PLBD2: variants seen among roughly 807,000 people sequenced by gnomAD.
PLBD2 encodes the protein phospholipase B domain containing 2.
In PLBD2, 51 loss-of-function variants were observed where a neutral mutation model predicts 68.3. The ratio of observed to expected loss-of-function variants is 0.75; its 90% confidence interval spans 0.60 to 0.94. The LOEUF is 0.94. Ranked by LOEUF, PLBD2 falls within the 40% of genes least tolerant of loss-of-function variation. PLBD2 has a pLI of 0.00. For missense variants in PLBD2, 729 were observed against 792.2 expected (o/e 0.92, Z 0.96); for synonymous variants, 314 against 339.3 (o/e 0.93, Z 0.82).
rs1441755951 is a variant in PLBD2, at chr12:113,384,984, A to G, written c.1214+38A>G. 1 of 1,546,082 alleles carries G rather than the reference A, an allele frequency of 6.5e-7. No homozygotes were observed. The highest frequency in any genetic ancestry group is 1.4e-5 in the African/African-American group (1 of 73,378). On this transcript the variant is annotated intron_variant, in intron 8 of 11. Transcript: ENST00000280800. The surrounding 1 kb of genome is among the most constrained non-coding windows in gnomAD (Gnocchi z 4.2). ...GGAGGGAGGGGTGGGGGCTCGGGGC[A>G]GAGGGGACTGCCAGGGTGAAGGCCC...
chr12:113,369,315 C>T (rs992293448), intron 2 of PLBD2, 106 bp downstream of exon 2: 1 of 764,244 alleles, frequency 1.3e-6, no homozygotes, highest in African/African-American at 1.8e-5. Context: ...CCAACTCCTG[C>T]CACAGCCCTT....
rs575100483 is a variant in PLBD2, at chr12:113,374,752, C to T, written c.645-41C>T. On this transcript the variant is annotated intron_variant, in intron 4 of 11. Transcript: ENST00000280800. ...CAAAATGAGTACATAACAGCACTCA[C>T]AGCAGGCGTGGTAACCCTCTGATGC... 8 of 1,604,096 alleles carry T rather than the reference C, an allele frequency of 5.0e-6. No homozygotes were observed. In the African/African-American group the frequency reaches 6.7e-5, roughly 13 times the overall value.
chr12:113,380,562 A>G (rs1957478557), intron 5 of PLBD2, among the ~76,000 whole-genome samples, 183 bp from the exon 6 acceptor site: 2 of 152,134 alleles, frequency 1.3e-5, no homozygotes, highest in African/African-American at 4.8e-5. Flanking sequence ...TTTTATTTTT[A>G]CTTGCACGTA....
At chr12:113,385,905 C>G (rs1287871649) in intron 9 of PLBD2, among the ~76,000 whole-genome samples, 1 of 152,146 alleles carries the variant, frequency 6.6e-6, no homozygotes, top group African/African-American at 2.4e-5. Flanking sequence ...CGCCAGCCAC[C>G]ATCCTTGGCT....
At chr12:113,370,421 A>ATATT (rs1565859614) in intron 2 of PLBD2, among the ~76,000 whole-genome samples, 2 of 144,974 alleles carry the variant, frequency 1.4e-5, no homozygotes, top group African/African-American at 5.1e-5. Context: ...AATATGTTAT[A>ATATT]TATTTTTTCT....
chr12:113,374,451 T>C, intron 3 of PLBD2, 23 bp from the exon 4 acceptor site: 1 of 1,475,994 alleles, frequency 6.8e-7, no homozygotes, highest in South Asian at 1.2e-5. Context: ...TCACCCTCCC[T>C]CTGCCCCCGC....
At chr12:113,360,977 T>A (rs533871840) in intron 1 of PLBD2, among the ~76,000 whole-genome samples, 115 of 152,274 alleles carry the variant, frequency 7.6e-4, no homozygotes, top group African/African-American at 2.6e-3. Flanking sequence ...CCTTTCCCTT[T>A]GAGTTTGCCA....
chr12:113,380,857 C>T lies in PLBD2; in HGVS notation c.957+15C>T. 6.5e-7 allele frequency: 1 copy of T among 1,547,268 alleles called. No homozygotes were observed. The highest frequency in any genetic ancestry group is 2.4e-5 in the East Asian group (1 of 41,142). ...GCAGTGGGCTGGTGAGTCCCTTTCT[C>T]ATGTCTCCTCTGTTCCTGGGGTGTT... On this transcript the variant is annotated intron_variant, in intron 6 of 11. Transcript: ENST00000280800.
In PLBD2 at chr12:113,388,802, C is replaced by A. The variant is rs73194893; in HGVS notation, c.*176C>A. On this transcript the variant is annotated 3_prime_UTR_variant, in exon 12 of 12. Transcript: ENST00000280800. ...GAACCTGATGGGGCTCAGAACTGAC[C>A]CCCTCTCTCCCCCGAGGTGGGTGGG... 28 of 589,470 alleles carry A rather than the reference C, an allele frequency of 4.8e-5. No individual in the cohort carries two copies. The highest frequency in any genetic ancestry group is 7.4e-5 in the Non-Finnish European group (27 of 366,764). 36.5% of individuals were successfully genotyped at this position (589,470 alleles called of 1,614,324 possible).
chr12:113,382,232 G>T (rs1308657398), intron 6 of PLBD2, among the ~76,000 whole-genome samples: 1 of 152,180 alleles, frequency 6.6e-6, no homozygotes, highest in Non-Finnish European at 1.5e-5. Context: ...TATATGTGCT[G>T]CTTTATTAAC....
Position 113,384,062 on chromosome 12 carries a change from A to G in PLBD2, c.958-43A>G. 1 of 1,461,776 alleles carries G rather than the reference A, an allele frequency of 6.8e-7. No individual in the cohort carries two copies. The highest frequency in any genetic ancestry group is 9.1e-7 in the Non-Finnish European group (1 of 1,096,792). 90.6% of individuals were successfully genotyped at this position (1,461,776 alleles called of 1,614,324 possible). On this transcript the variant is annotated intron_variant, in intron 6 of 11. Transcript: ENST00000280800. This position sits in a 1 kb window ranked among gnomAD's most constrained non-coding sequence, Gnocchi z 4.2. ...TGATGAAGTACTGCCACTTGGTGGC[A>G]GCATGCCTAGGCTGTGCAGCAGCCC...
chr12:113,387,686 C>T (rs1316126814), intron 10 of PLBD2, 58 bp from the exon 11 acceptor site: 23 of 1,562,298 alleles, frequency 1.5e-5, no homozygotes, highest in Non-Finnish European at 1.9e-5. Context: ...GGATTTTGGC[C>T]CCCGTCTTAG....
In PLBD2 at chr12:113,387,857, A is replaced by G; in HGVS notation, c.1553A>G (p.Tyr518Cys). 2 of 1,614,054 alleles carry G rather than the reference A, an allele frequency of 1.2e-6. No homozygotes were observed. Among genetic ancestry groups the G allele is most frequent in the African/African-American group, 1.3e-5 (1 of 74,998 alleles). The change falls in exon 11 of 12, where the codon TAC (tyrosine) becomes TGC (cysteine). Residue 518 changes from tyrosine to cysteine, a missense_variant. Physicochemically the swap from Tyr to Cys is radical, Grantham distance 194. Coordinates refer to ENST00000280800, the MANE Select transcript of PLBD2 (RefSeq NM_173542.4). ...GACCTCAACCCGGCCAATGGCTCCTACCCCTTCCAGGCCCTGCGTCAGCGC... is the reference window on the plus strand; with the variant it reads ...GACCTCAACCCGGCCAATGGCTCCTGCCCCTTCCAGGCCCTGCGTCAGCGC... Reference protein sequence around the residue: ...RSDLNPANGSYPFQALRQRSH... With the variant: ...RSDLNPANGSCPFQALRQRSH...
At chr12:113,387,155 C>T (rs1593292999) in intron 10 of PLBD2, 66 bp downstream of exon 10, 3 of 1,486,592 alleles carry the variant, frequency 2.0e-6, no homozygotes, top group African/African-American at 2.9e-5. Context: ...TTCCTGTGCG[C>T]TTTTTGTACC....
intron 2 of PLBD2, among the ~76,000 whole-genome samples, chr12:113,371,986 G>T (rs1957393060): frequency 6.6e-6 from 1 of 152,236 alleles, no homozygotes; most frequent in Non-Finnish European, 1.5e-5. Flanking sequence ...GAAATGCTGT[G>T]GAAGTCATGG....
intron 5 of PLBD2, among the ~76,000 whole-genome samples, chr12:113,379,901 G>A (rs77424074): frequency 0.011 from 1,653 of 152,142 alleles, 59 homozygotes; most frequent in Admixed American, 0.063. Context: ...ATATACCCAC[G>A]CACACACAGA....
chr12:113,361,327 G>GTTTTTTTTTTTTTGTTTTT (rs1957292355), intron 1 of PLBD2, among the ~76,000 whole-genome samples: 1 of 127,884 alleles, frequency 7.8e-6, no homozygotes, highest in Admixed American at 7.9e-5. Context: ...TTTAAAAAAG[G>GTTTTTTTTTTTTTGTTTTT]TTTTTTTTTT....
chr12:113,375,029 T>G (rs777031868), intron 5 of PLBD2, 22 bp downstream of exon 5: 60 of 1,610,750 alleles, frequency 3.7e-5, no homozygotes, highest in Non-Finnish European at 4.8e-5. Flanking sequence ...TGGGTGTGTC[T>G]GGGGGATGAG....
rs568296655 is a variant in PLBD2 at position 113,363,388 on chromosome 12, G to T, written c.290+4498G>T. ...TGAGGCTACACTGAGCTGTGATCAC[G>T]CCAGTGCACTCCAGCCTGGGTGACA... On this transcript the variant is annotated intron_variant, in intron 1 of 11. Coordinates refer to ENST00000280800, the MANE Select transcript of PLBD2 (RefSeq NM_173542.4). Among the ~76,000 whole-genome samples, 7 of 152,164 alleles carry T rather than the reference G, an allele frequency of 4.6e-5. No homozygotes were observed. The South Asian group carries it at 1.2e-3, about 27-fold the overall frequency.
Sources: allele counts gnomAD v4.1 joint callset (sites outside exome capture counted in the v4.1 genomes callset), GRCh38; gene constraint gnomAD v4.1.1; non-coding constraint Gnocchi (gnomAD v3.1); transcripts MANE v1.5; gene names NCBI Gene and HGNC (gene_info 2026-07-23, HGNC 2026-07-21).